Variants in PRR14L observed in about 807,000 individuals in gnomAD.
The protein encoded by PRR14L is proline rich 14 like, also known as protein PRR14L.
Under a neutral mutation model 155.0 loss-of-function variants are expected in PRR14L, and 80 were observed. The observed-to-expected ratio is 0.52, with a 90% CI of 0.43 to 0.62. The LOEUF is 0.62. Among genes scored for constraint, PRR14L ranks in the 20% least tolerant of loss-of-function variants. The pLI is 0.00. For synonymous variants in PRR14L, 883 were observed against 916.0 expected (o/e 0.96, Z 0.65); for missense variants, 2,469 against 2,548.0 (o/e 0.97, Z 0.67).
At chr22:31,698,411 T>A (rs2074545953) in intron 7 of PRR14L, among the ~76,000 whole-genome samples, 1 of 152,010 alleles carries the variant, frequency 6.6e-6, no homozygotes, top group African/African-American at 2.4e-5. Context: ...TATACTTTTC[T>A]CTTATATTAA....
chr22:31,714,916 T>A lies in PRR14L; in HGVS notation c.2923A>T (p.Asn975Tyr). ...KADEVLDCQS[N>Y]QNRPDECKSE... Reference sequence around the variant, plus strand: ...TTGCATTCATCTGGTCTGTTTTGGTTACTCTGACAGTCAAGGACTTCATCT... The same window carrying A: ...TTGCATTCATCTGGTCTGTTTTGGTAACTCTGACAGTCAAGGACTTCATCT... The change falls in exon 4 of 9, where the codon AAC becomes TAC. Residue 975 changes from asparagine (N) to tyrosine (Y), a missense_variant. Around this residue, in one of 2 missense-constraint regions of PRR14L, gnomAD observed 2,363 missense variants for 2,371.6 expected, o/e 1.00. Coordinates refer to ENST00000327423, the MANE Select transcript of PRR14L (RefSeq NM_173566.3). 1 of 1,552,042 alleles carries A rather than the reference T, an allele frequency of 6.4e-7. No homozygotes were observed. The highest frequency in any genetic ancestry group is 2.4e-5 in the East Asian group (1 of 40,930).
At chr22:31,702,048 C>T (rs1645079976) in intron 6 of PRR14L, among the ~76,000 whole-genome samples, 1 of 152,106 alleles carries the variant, frequency 6.6e-6, no homozygotes. Flanking sequence ...GATCCTTTTG[C>T]CTCAGCCTCT....
chr22:31,716,690 A>G lies in PRR14L; in HGVS notation c.1149T>C (p.Tyr383=). ...SAEKTDSSYF[Y]RGDDQGKNLA... ...AGTTCTTCCCTTGATCATCCCCCCT[A>G]TAAAAATAAGAACTGTCTGTCTTTT... The change falls in exon 4 of 9, where the codon TAT becomes TAC. Residue 383 remains tyrosine (Y), a synonymous_variant. Coordinates refer to ENST00000327423, the MANE Select transcript of PRR14L (RefSeq NM_173566.3). 1.3e-6 allele frequency: 2 copies of G among 1,551,734 alleles called. No homozygotes were observed. The highest frequency in any genetic ancestry group is 1.7e-6 in the Non-Finnish European group (2 of 1,146,998).
chr22:31,740,882 C>T (rs1471926667), intron 1 of PRR14L, among the ~76,000 whole-genome samples: 1 of 152,102 alleles, frequency 6.6e-6, no homozygotes, highest in African/African-American at 2.4e-5. Flanking sequence ...TGGCTCACAC[C>T]TGTAATCCCA....
chr22:31,747,808 CAAA>C (rs560956513), intron 1 of PRR14L, among the ~76,000 whole-genome samples: 2 of 112,078 alleles, frequency 1.8e-5, no homozygotes. Context: ...CCTATCCCAC[CAAA>C]AAAAAAAAAA....
At position 31,716,432 on chromosome 22, in the gene PRR14L, T is replaced by C; in HGVS notation, c.1407A>G (p.Glu469=). Residue 469 remains glutamate (E), a synonymous_variant, in exon 4 of 9, where the codon GAA becomes GAG. Transcript: ENST00000327423. The part of the protein sequence containing the change: ...LMPNSFTEAT[E]VMLNKNDLKI... ...TCAAATCATTTTTATTTAACATTAC[T>C]TCTGTGGCTTCAGTAAAAGAATTGG... The C allele has an allele frequency of 6.4e-7, 1 of 1,551,364 alleles. No individual in the cohort carries two copies. Among genetic ancestry groups the C allele is most frequent in the Non-Finnish European group, 8.7e-7 (1 of 1,146,808 alleles).
In PRR14L at chr22:31,714,969, T is replaced by A; in HGVS notation, c.2870A>T (p.Lys957Ile). The A allele has an allele frequency of 6.4e-7, 1 of 1,552,148 alleles. No individual in the cohort carries two copies. Among genetic ancestry groups the A allele is most frequent in the African/African-American group, 1.4e-5 (1 of 73,182 alleles). The change falls in exon 4 of 9, where the codon AAA becomes ATA. Residue 957 changes from lysine (K) to isoleucine (I), a missense_variant. Lys to Ile is a moderately radical substitution (Grantham distance 102, BLOSUM62 -3). Coordinates refer to ENST00000327423, the MANE Select transcript of PRR14L (RefSeq NM_173566.3). Reference protein sequence around the residue: ...TVMFSSFKNVKSVETLDQKAD... With the variant: ...TVMFSSFKNVISVETLDQKAD... ...CTTCTGATCGAGTGTTTCAACTGAT[T>A]TTACATTTTTAAAACTGGAGAACAT...
chr22:31,700,210 G>A (rs953639935), intron 7 of PRR14L, among the ~76,000 whole-genome samples: 8 of 152,154 alleles, frequency 5.3e-5, no homozygotes, highest in African/African-American at 1.9e-4. Context: ...ATAATTGAAT[G>A]ACTTTACTAT....
chr22:31,692,918 G>A (rs1053859055), intron 7 of PRR14L, among the ~76,000 whole-genome samples: 1 of 152,114 alleles, frequency 6.6e-6, no homozygotes, highest in Non-Finnish European at 1.5e-5. Context: ...TGGATTACAG[G>A]CGTGAGCCAC....
intron 6 of PRR14L, among the ~76,000 whole-genome samples, chr22:31,702,522 T>TA (rs2074567826): frequency 6.6e-6 from 1 of 151,632 alleles, no homozygotes; most frequent in African/African-American, 2.4e-5. Flanking sequence ...CATCTGGCCT[T>TA]ATTTATTTTT....
chr22:31,692,367 T>C (rs1020930960), intron 7 of PRR14L, among the ~76,000 whole-genome samples: 3 of 152,126 alleles, frequency 2.0e-5, no homozygotes, highest in Non-Finnish European at 2.9e-5. Context: ...TCCTAGTGGG[T>C]GGGAAGTGGT....
intron 8 of PRR14L, among the ~76,000 whole-genome samples, chr22:31,686,553 C>T (rs1383800634): frequency 6.6e-6 from 1 of 152,010 alleles, no homozygotes; most frequent in South Asian, 2.1e-4. Context: ...GAGCCTCCCA[C>T]GTAGCTGGGA....
intron 1 of PRR14L, among the ~76,000 whole-genome samples, chr22:31,743,528 C>T (rs184860180): frequency 1.6e-4 from 25 of 152,086 alleles, no homozygotes; most frequent in East Asian, 7.8e-4. Flanking sequence ...TGGCCGGGAG[C>T]GGTGGCTCAA....
intron 5 of PRR14L, 76 bp from the exon 6 acceptor site, chr22:31,703,797 A>ATTTTT: frequency 6.1e-6 from 4 of 659,260 alleles, no homozygotes; most frequent in Non-Finnish European, 8.9e-6. Context: ...CTTCTTCTTC[A>ATTTTT]TTTTTTTTTT....
intron 2 of PRR14L, among the ~76,000 whole-genome samples, chr22:31,727,370 A>T (rs1718225704): frequency 1.3e-5 from 2 of 151,160 alleles, no homozygotes; most frequent in South Asian, 2.1e-4. Context: ...AGTAGCTGGG[A>T]CTACAGGTGC....
Position 31,725,571 on chromosome 22 carries a change from C to T in PRR14L, c.514G>A (p.Val172Met). 6.4e-7 allele frequency: 1 copy of T among 1,551,242 alleles called. No individual in the cohort carries two copies. The highest frequency in any genetic ancestry group is 8.7e-7 in the Non-Finnish European group (1 of 1,146,626). ...LMQSSKELSH[V>M]DLPEDFLRSK... ...CTTAGAAAATCTTCAGGGAGGTCCA[C>T]ATGTGAAAGTTCTTTGCTGGACTGC... The change falls in exon 3 of 9, where the codon GTG becomes ATG. Residue 172 changes from valine (V) to methionine (M), a missense_variant. By Grantham distance (21) the Val-to-Met change is conservative. Transcript: ENST00000327423.
intron 1 of PRR14L, among the ~76,000 whole-genome samples, chr22:31,745,859 A>ATATAT (rs1414277985): frequency 3.1e-4 from 43 of 139,482 alleles, no homozygotes; most frequent in African/African-American, 1.1e-3. Context: ...AAAAAAAAAA[A>ATATAT]AAATATATAT....
In PRR14L at chr22:31,697,319, A is replaced by G. The variant is rs556272899; in HGVS notation, c.6107+4337T>C. Reference sequence around the variant, plus strand: ...TCTGTCTCAAAAAAAAAAAAAAAAAAAAAGAAATTGGGTATTTGGGCAATT... The same window carrying G: ...TCTGTCTCAAAAAAAAAAAAAAAAAGAAAGAAATTGGGTATTTGGGCAATT... On this transcript the variant is annotated intron_variant, in intron 7 of 8. Coordinates refer to ENST00000327423, the MANE Select transcript of PRR14L (RefSeq NM_173566.3). 9.2e-5 allele frequency among the ~76,000 whole-genome samples: 14 copies of G among 151,690 alleles called. No homozygotes were observed. The South Asian group carries it at 1.7e-3, about 18-fold the overall frequency.
At chr22:31,707,711 G>C (rs946477672) in intron 4 of PRR14L, among the ~76,000 whole-genome samples, 1 of 152,020 alleles carries the variant, frequency 6.6e-6, no homozygotes, top group Non-Finnish European at 1.5e-5. Context: ...AAAGCTGTGT[G>C]CCCTAAACAC....
Sources: allele counts gnomAD v4.1 joint callset (sites outside exome capture counted in the v4.1 genomes callset), GRCh38; gene constraint gnomAD v4.1.1; regional missense constraint gnomAD v4.1.1; transcripts MANE v1.5; gene names NCBI Gene and HGNC (gene_info 2026-07-23, HGNC 2026-07-21).